The following ERC2 variants were observed in gnomAD, a reference collection of about 807,000 sequenced individuals.
The protein encoded by ERC2 is ELKS/RAB6-interacting/CAST family member 2.
Under a neutral mutation model 114.8 loss-of-function variants are expected in ERC2, and 42 were observed. That is an observed-to-expected ratio of 0.37 (90% CI 0.29 to 0.47). The LOEUF (loss-of-function observed/expected upper bound fraction) is 0.47. ERC2 is among the 20% of genes least tolerant of loss of function. ERC2 has a pLI of 0.99. For synonymous variants in ERC2, 454 were observed against 425.5 expected, an observed-to-expected ratio of 1.07 and a Z score of -0.82; for missense variants, 939 against 1,150.7, an observed-to-expected ratio of 0.82 and a Z score of 2.66.
At chr3:55,910,791 G>T (rs1283684712) in intron 13 of ERC2, among the ~76,000 whole-genome samples, 2 of 152,176 alleles carry the variant, frequency 1.3e-5, no homozygotes, top group Non-Finnish European at 2.9e-5. Context: ...CTAGTGAGTG[G>T]CACAGCTGGG....
intron 6 of ERC2, among the ~76,000 whole-genome samples, chr3:56,095,538 T>C (rs1283541460): frequency 6.6e-6 from 1 of 152,250 alleles, no homozygotes; most frequent in African/African-American, 2.4e-5. Flanking sequence ...CACAGGCTAT[T>C]TCTGGAAAGA....
chr3:55,747,776 G>C (rs2066402348), intron 14 of ERC2, among the ~76,000 whole-genome samples: 1 of 152,212 alleles, frequency 6.6e-6, no homozygotes, highest in African/African-American at 2.4e-5. Context: ...ATTAATTTCA[G>C]AGCCCAAGTT....
At chr3:55,609,286 CA>C (rs975882611) in intron 17 of ERC2, among the ~76,000 whole-genome samples, 1 of 152,182 alleles carries the variant, frequency 6.6e-6, no homozygotes, top group African/African-American at 2.4e-5. Flanking sequence ...CACTGCAACT[CA>C]GGGGGTGTGT....
chr3:55,869,956 T>C (rs2062504336), intron 14 of ERC2, among the ~76,000 whole-genome samples: 2 of 152,156 alleles, frequency 1.3e-5, no homozygotes, highest in East Asian at 3.8e-4. Context: ...AGGACAGAAC[T>C]GTCCTAAACA....
intron 17 of ERC2, among the ~76,000 whole-genome samples, chr3:55,540,967 A>C (rs915288128): frequency 6.6e-6 from 1 of 152,166 alleles, no homozygotes; most frequent in Admixed American, 6.5e-5. Context: ...CCTATGAAGA[A>C]AGTGAGAGGT....
At chr3:56,313,275 G>A (rs980199485) in intron 2 of ERC2, among the ~76,000 whole-genome samples, 3 of 151,544 alleles carry the variant, frequency 2.0e-5, no homozygotes, top group East Asian at 3.9e-4. Flanking sequence ...TTAGACAGTC[G>A]TGATGGTTTC....
At chr3:55,527,694 A>G (rs1300008357) in intron 17 of ERC2, among the ~76,000 whole-genome samples, 2 of 152,234 alleles carry the variant, frequency 1.3e-5, no homozygotes, top group Non-Finnish European at 2.9e-5. Context: ...GTACAGAGGC[A>G]TGCCATACCT....
At chr3:55,614,625 A>G (rs1450887004) in intron 17 of ERC2, among the ~76,000 whole-genome samples, 1 of 152,202 alleles carries the variant, frequency 6.6e-6, no homozygotes, top group Non-Finnish European at 1.5e-5. Flanking sequence ...ATCATTATAT[A>G]CTACTATGCC....
intron 8 of ERC2, among the ~76,000 whole-genome samples, chr3:56,015,567 T>C (rs2073247949): frequency 6.6e-6 from 1 of 152,232 alleles, no homozygotes; most frequent in South Asian, 2.1e-4. Context: ...CTGCATAGTA[T>C]TCCATGGTAT....
At chr3:55,884,603 T>C (rs906323177) in intron 14 of ERC2, among the ~76,000 whole-genome samples, 1 of 151,950 alleles carries the variant, frequency 6.6e-6, no homozygotes, top group Non-Finnish European at 1.5e-5. Context: ...TAATGACAAA[T>C]GAGCTACCTG....
intron 13 of ERC2, among the ~76,000 whole-genome samples, chr3:55,942,444 A>T (rs1576298125): frequency 6.9e-6 from 1 of 144,192 alleles, no homozygotes; most frequent in Non-Finnish European, 1.5e-5. Context: ...GCCCGCCACT[A>T]CGCCCGGCTA....
At chr3:56,036,309 C>A (rs1437547899) in intron 7 of ERC2, among the ~76,000 whole-genome samples, 1 of 152,118 alleles carries the variant, frequency 6.6e-6, no homozygotes, top group Admixed American at 6.6e-5. Context: ...GACAAGGATG[C>A]CCACTTTTGC....
At chr3:55,525,926 C>A (rs1002603335) in intron 17 of ERC2, among the ~76,000 whole-genome samples, 1 of 152,102 alleles carries the variant, frequency 6.6e-6, no homozygotes, top group Admixed American at 6.5e-5. Flanking sequence ...AAGTCCTAAC[C>A]GCTAGTAAAT....
Position 56,296,556 on chromosome 3 carries a change from G to A in ERC2, c.658-121C>T, listed in dbSNP as rs550061502. On this transcript the variant is annotated intron_variant, in intron 2 of 17. Coordinates refer to ENST00000288221, the MANE Select transcript of ERC2 (RefSeq NM_015576.3). ...GAATGTTAATCATGAGGTCCGGAGG[G>A]CCAGCCATGAATTCCTCCACGGTGA... 3.4e-5 allele frequency: 37 copies of A among 1,072,648 alleles called. No individual in the cohort carries two copies. The South Asian group carries it at 5.7e-4, about 17-fold the overall frequency. 66.4% of individuals were successfully genotyped at this position (1,072,648 alleles called of 1,614,324 possible). A position where few individuals can be genotyped will look rare whatever the true frequency, so the allele number is the denominator to read the frequency against.
intron 4 of ERC2, among the ~76,000 whole-genome samples, chr3:56,162,501 C>A (rs1477935453): frequency 1.3e-5 from 2 of 152,128 alleles, no homozygotes; most frequent in Non-Finnish European, 2.9e-5. Context: ...GTGAACCCAT[C>A]CAGTTCAAGG....
chr3:56,140,586 C>T (rs2080797122), intron 5 of ERC2, among the ~76,000 whole-genome samples: 1 of 152,042 alleles, frequency 6.6e-6, no homozygotes, highest in South Asian at 2.1e-4. Flanking sequence ...GATAGAAATT[C>T]GGTTCTGTTC....
At chr3:56,378,571 T>TAA (rs11316031) in intron 2 of ERC2, among the ~76,000 whole-genome samples, 4 of 134,042 alleles carry the variant, frequency 3.0e-5, no homozygotes, top group Non-Finnish European at 6.5e-5. Context: ...TAAAGTATAA[T>TAA]AAAAAAAAAA....
chr3:56,280,193 G>A (rs1438766138), intron 3 of ERC2, among the ~76,000 whole-genome samples: 1 of 152,080 alleles, frequency 6.6e-6, no homozygotes, highest in Non-Finnish European at 1.5e-5. Context: ...GCCAAGGAGT[G>A]CAGCTGGCCT....
chr3:56,262,156 A>G, intron 3 of ERC2, among the ~76,000 whole-genome samples: 1 of 152,182 alleles, frequency 6.6e-6, no homozygotes, highest in East Asian at 1.9e-4. Flanking sequence ...GTTATTGTGA[A>G]TAGTGCTATT....
Sources: gnomAD v4.1 joint callset for allele counts (sites outside exome capture counted in the v4.1 genomes callset) on GRCh38, gnomAD v4.1.1 for gene constraint, MANE v1.5 for transcripts, NCBI Gene and HGNC (gene_info 2026-07-23, HGNC 2026-07-21) for gene names.